FAF1: variants seen among roughly 807,000 people sequenced by gnomAD.
FAF1 encodes the protein FAS-associated factor 1.
A neutral mutation model predicts 92.5 loss-of-function variants in FAF1; 25 were observed. The ratio of observed to expected loss-of-function variants is 0.27; its 90% CI spans 0.20 to 0.38. FAF1 has a LOEUF of 0.38. Ranked by LOEUF, FAF1 falls within the 10% of genes least tolerant of loss-of-function variation. The pLI is 1.00. For synonymous variants in FAF1, 234 were observed against 273.2 expected, an observed-to-expected ratio of 0.86 and a Z score of 1.42; for missense variants, 636 against 793.3, an observed-to-expected ratio of 0.80 and a Z score of 2.38.
intron 5 of FAF1, among the ~76,000 whole-genome samples, chr1:50,741,990 A>G (rs571972346): frequency 6.6e-6 from 1 of 152,188 alleles, no homozygotes; most frequent in Non-Finnish European, 1.5e-5. Flanking sequence ...AATAGCAGAA[A>G]TCACCTAGTG....
intron 17 of FAF1, among the ~76,000 whole-genome samples, chr1:50,476,866 AG>A (rs1211673841): frequency 6.6e-5 from 10 of 152,224 alleles, no homozygotes; most frequent in Non-Finnish European, 1.5e-5. Flanking sequence ...TAGAAAAAAA[AG>A]AAATATATAA....
At chr1:50,610,145 C>G (rs1209527125) in intron 8 of FAF1, among the ~76,000 whole-genome samples, 1 of 152,164 alleles carries the variant, frequency 6.6e-6, no homozygotes, top group Non-Finnish European at 1.5e-5. Flanking sequence ...TTACTGTACT[C>G]CAATACAGTG....
intron 13 of FAF1, 32 bp downstream of exon 13, chr1:50,567,045 C>A (rs914398035): frequency 2.0e-6 from 3 of 1,473,100 alleles, no homozygotes; most frequent in East Asian, 2.3e-5. Flanking sequence ...TTAATAGAAG[C>A]CCAACTTGTA....
At chr1:50,819,712 TATAC>T (rs1248550778) in intron 2 of FAF1, among the ~76,000 whole-genome samples, 1 of 33,496 alleles carries the variant, frequency 3.0e-5, no homozygotes, top group Non-Finnish European at 5.9e-5. Context: ...TACATATATA[TATAC>T]GTATATATAT....
chr1:50,603,140 T>C (rs1652223652), intron 8 of FAF1, among the ~76,000 whole-genome samples: 1 of 152,238 alleles, frequency 6.6e-6, no homozygotes, highest in Admixed American at 6.5e-5. Flanking sequence ...GGCTCTAAGA[T>C]ATCTTGTCTT....
intron 12 of FAF1, among the ~76,000 whole-genome samples, chr1:50,576,736 G>C (rs1650761220): frequency 6.7e-6 from 1 of 149,910 alleles, no homozygotes; most frequent in African/African-American, 2.4e-5. Flanking sequence ...TAGACCTTCT[G>C]GGCTCAAGTG....
At chr1:50,639,555 G>A (rs1654220685) in intron 8 of FAF1, among the ~76,000 whole-genome samples, 1 of 152,128 alleles carries the variant, frequency 6.6e-6, no homozygotes, top group Non-Finnish European at 1.5e-5. Flanking sequence ...ACGTACTCCT[G>A]AGATAAATCC....
chr1:50,811,155 C>T (rs1254913330), intron 2 of FAF1, among the ~76,000 whole-genome samples: 1 of 151,914 alleles, frequency 6.6e-6, no homozygotes, highest in Non-Finnish European at 1.5e-5. Context: ...AGCAACATGG[C>T]ATAACCCCGT....
Position 50,931,338 on chromosome 1 carries a change from G to A in FAF1, c.45+28429C>T, listed in dbSNP as rs139453617. 3.2e-4 allele frequency among the ~76,000 whole-genome samples: 49 copies of A among 151,958 alleles called. 1 individual carries two copies. In the East Asian group the frequency reaches 8.5e-3, roughly 26 times the overall value. On this transcript the variant is annotated intron_variant, in intron 1 of 18. Transcript: ENST00000396153. ...ATACTTTCTTATCTGCATTCTTTAG[G>A]GTTGAGCATATGTATTAGTTTGTTT...
intron 18 of FAF1, among the ~76,000 whole-genome samples, chr1:50,454,404 C>G (rs968876469): frequency 6.6e-6 from 1 of 152,204 alleles, no homozygotes; most frequent in Non-Finnish European, 1.5e-5. Flanking sequence ...TCCATAAAAT[C>G]AGGCCTGAGT....
intron 1 of FAF1, among the ~76,000 whole-genome samples, chr1:50,925,676 A>C (rs2124738197): frequency 6.6e-6 from 1 of 152,360 alleles, no homozygotes; most frequent in South Asian, 2.1e-4. Flanking sequence ...CACTATAAAA[A>C]ACAGTGTTGC....
In FAF1 at chr1:50,874,439, A is replaced by G. The variant is rs377276016; in HGVS notation, c.46-16442T>C. 7.2e-5 allele frequency among the ~76,000 whole-genome samples: 11 copies of G among 152,118 alleles called. No individual in the cohort carries two copies. The East Asian group carries it at 7.8e-4, about 11-fold the overall frequency. On this transcript the variant is annotated intron_variant, in intron 1 of 18. Coordinates refer to ENST00000396153, the MANE Select transcript of FAF1 (RefSeq NM_007051.3). ...TATAGTAGTGTGATCACAGCTCACT[A>G]TAATACTGAACTCCTAAACTCAAGT...
intron 3 of FAF1, among the ~76,000 whole-genome samples, chr1:50,794,111 C>T (rs78238512): frequency 3.2e-4 from 48 of 152,286 alleles, no homozygotes; most frequent in African/African-American, 1.1e-3. Context: ...TTTGGTAGGA[C>T]GCATGCATGT....
intron 18 of FAF1, chr1:50,451,778 G>A (rs1646296392): frequency 2.0e-5 from 19 of 931,408 alleles, no homozygotes; most frequent in Non-Finnish European, 2.4e-5. Flanking sequence ...AGCCCAGTGA[G>A]TGGAAAGAAC....
chr1:50,450,272 T>A (rs1471982117), intron 18 of FAF1, among the ~76,000 whole-genome samples: 1 of 152,106 alleles, frequency 6.6e-6, no homozygotes, highest in African/African-American at 2.4e-5. Context: ...TATTATCTAA[T>A]TAAATGGTCC....
chr1:50,596,094 C>A, intron 9 of FAF1, 27 bp downstream of exon 9: 1 of 1,563,540 alleles, frequency 6.4e-7, no homozygotes, highest in Non-Finnish European at 8.8e-7. Context: ...GCCTTCTGTT[C>A]AAAGAAAAGC....
intron 15 of FAF1, among the ~76,000 whole-genome samples, chr1:50,499,010 T>C (rs1318170268): frequency 1.3e-5 from 2 of 152,118 alleles, no homozygotes; most frequent in African/African-American, 4.8e-5. Context: ...ACACAAAATA[T>C]GGTATATACC....
chr1:50,784,108 T>A (rs1174279634), intron 4 of FAF1, among the ~76,000 whole-genome samples: 2 of 152,176 alleles, frequency 1.3e-5, no homozygotes, highest in Non-Finnish European at 2.9e-5. Context: ...ACTAAAAGGT[T>A]TTCTTCTAAC....
At chr1:50,812,542 A>C (rs1323605511) in intron 2 of FAF1, among the ~76,000 whole-genome samples, 3 of 152,232 alleles carry the variant, frequency 2.0e-5, no homozygotes, top group Non-Finnish European at 4.4e-5. Context: ...CATATCAGTC[A>C]GAATGGCTAT....
Sources: gnomAD v4.1 joint callset for allele counts (sites outside exome capture counted in the v4.1 genomes callset) on GRCh38, gnomAD v4.1.1 for gene constraint, MANE v1.5 for transcripts, NCBI Gene and HGNC (gene_info 2026-07-23, HGNC 2026-07-21) for gene names.